Variants in KRT74 observed in about 807,000 individuals in gnomAD.
KRT74 encodes keratin 74.
A neutral mutation model predicts 42.7 loss-of-function variants in KRT74; 43 were observed. The ratio of observed to expected loss-of-function variants is 1.01; its 90% confidence interval spans 0.79 to 1.30. The LOEUF (loss-of-function observed/expected upper bound fraction) is 1.30, where lower values mean the gene tolerates loss of function less well. KRT74 is among the 50% of genes most tolerant of loss of function. KRT74 has a pLI of 0.00. For synonymous variants in KRT74, 302 were observed against 279.0 expected (o/e 1.08, Z -0.82); for missense variants, 736 against 689.1 (o/e 1.07, Z -0.76).
chr12:52,573,563 C>T lies in KRT74; in HGVS notation c.215G>A (p.Gly72Asp), dbSNP rs772560030. 2 of 1,614,112 alleles carry T rather than the reference C, an allele frequency of 1.2e-6. No homozygotes were observed. Residue 72 changes from glycine to aspartate, a missense_variant, in exon 1 of 9, where the codon GGT becomes GAT. By Grantham distance (94) the Gly-to-Asp change is moderately conservative. Transcript: ENST00000305620. ...CCCAGAGCCAGGCCTGAAGCCGTAA[C>T]CTCCAGCCCGAACGCCGCCACCAGC... ...NVAGGGVRAGGYGFRPGSGYG... is the reference protein window; with the variant it reads ...NVAGGGVRAGDYGFRPGSGYG...
intron 6 of KRT74, 49 bp from the exon 7 acceptor site, chr12:52,568,438 G>A (rs750936588): frequency 6.3e-7 from 1 of 1,584,256 alleles, no homozygotes; most frequent in South Asian, 1.1e-5. Context: ...ATTACATTTA[G>A]CTCATACCAG....
chr12:52,571,459 C>G lies in KRT74; in HGVS notation c.748-5G>C. On this transcript the variant is annotated splice_region_variant and splice_polypyrimidine_tract_variant and intron_variant, in intron 3 of 8. Transcript: ENST00000305620. The stretch of plus-strand genomic sequence containing the variant: ...TGCGTAGGCTGCATCTGCATCCTGC[C>G]AAGAGGCCCCAGAGTCATTGGGGGA... 6.2e-6 allele frequency: 10 copies of G among 1,609,924 alleles called. No individual in the cohort carries two copies. Among genetic ancestry groups the G allele is most frequent in the Non-Finnish European group, 8.5e-6 (10 of 1,176,262 alleles).
rs757995275 is a variant in KRT74 at position 52,571,928 on chromosome 12, C to T, written c.747+16G>A. 2 of 1,488,572 alleles carry T rather than the reference C, an allele frequency of 1.3e-6. No individual in the cohort carries two copies. Among genetic ancestry groups the T allele is most frequent in the Non-Finnish European group, 9.4e-7 (1 of 1,066,256 alleles). The allele number at this position is 1,488,572 out of a possible 1,614,324, so 92.2% of individuals were successfully genotyped here. On this transcript the variant is annotated intron_variant, in intron 3 of 8. Coordinates refer to ENST00000305620, the MANE Select transcript of KRT74 (RefSeq NM_175053.4). ...GGTGCGAGAGACCCTAATAAGGAGG[C>T]TCCTCCCTCTCTTACCTTCTTAAGC...
rs373254277 is a variant in KRT74 at position 52,568,215 on chromosome 12, T to C, written c.1309A>G (p.Met437Val). 6.8e-6 allele frequency: 11 copies of C among 1,614,090 alleles called. No homozygotes were observed. The highest frequency in any genetic ancestry group is 4.0e-5 in the African/African-American group (3 of 74,928). Residue 437 changes from methionine (M) to valine (V), a missense_variant, in exon 7 of 9, where the codon ATG (methionine) becomes GTG (valine). Physicochemically the swap from Met to Val is conservative, Grantham distance 21. Coordinates refer to ENST00000305620, the MANE Select transcript of KRT74 (RefSeq NM_175053.4). ...ELMSLKLALD[M>V]EIATYRKLLE... ...AGCTTGCGGTAGGTGGCAATCTCCA[T>C]GTCCAGGGCCAGTTTCAGGCTCATG...
Position 52,568,141 on chromosome 12 carries a change from C to T in KRT74, c.1355+28G>A, listed in dbSNP as rs1251115793. 3 of 1,613,496 alleles carry T rather than the reference C, an allele frequency of 1.9e-6. No individual in the cohort carries two copies. The Admixed American group carries it at 5.0e-5, about 27-fold the overall frequency. The stretch of plus-strand genomic sequence containing the variant: ...GACAGGAGCCACACCCCAGTCCCTT[C>T]TCACACTTTCCCCTCCACCCCACCT... On this transcript the variant is annotated intron_variant, in intron 7 of 8. Transcript: ENST00000305620.
chr12:52,573,466 C>A lies in KRT74; in HGVS notation c.312G>T (p.Leu104Phe), dbSNP rs775697020. 9.9e-6 allele frequency: 16 copies of A among 1,614,208 alleles called. No individual in the cohort carries two copies. The highest frequency in any genetic ancestry group is 1.6e-4 in the Middle Eastern group (1 of 6,062). ...FGSVALGPAC[L>F]SVCPPGGIHQ... ...GGATGCCCCCAGGTGGGCACACAGA[C>A]AAACATGCAGGCCCCAGGGCCACAC... The change falls in exon 1 of 9, where the codon TTG becomes TTT. Residue 104 changes from leucine to phenylalanine, a missense_variant. Physicochemically the swap from Leu to Phe is conservative, Grantham distance 22 (BLOSUM62 0). Transcript: ENST00000305620.
chr12:52,572,397 G>C, intron 2 of KRT74, 56 bp downstream of exon 2: 1 of 1,577,992 alleles, frequency 6.3e-7, no homozygotes, highest in Non-Finnish European at 8.7e-7. Flanking sequence ...CAGAGATCAG[G>C]TGAGCCCAGA....
At chr12:52,567,953 G>T (rs544858661) in intron 7 of KRT74, among the ~76,000 whole-genome samples, 1 of 151,878 alleles carries the variant, frequency 6.6e-6, no homozygotes, top group Non-Finnish European at 1.5e-5. Flanking sequence ...CCCCAGGTCT[G>T]TCTGAGCCCC....
At position 52,570,862 on chromosome 12, in the gene KRT74, C is replaced by T. The variant is rs373252709; in HGVS notation, c.844-29G>A. On this transcript the variant is annotated intron_variant, in intron 4 of 8. Coordinates refer to ENST00000305620, the MANE Select transcript of KRT74 (RefSeq NM_175053.4). The stretch of plus-strand genomic sequence containing the variant: ...CATTGAGAGAGGAAGACAGATTCAG[C>T]AACCCCCTGGCTTCCCTCTTCTGCC... 1.9e-6 allele frequency: 3 copies of T among 1,613,934 alleles called. No homozygotes were observed. In the South Asian group the frequency reaches 3.3e-5, roughly 18 times the overall value.
intron 8 of KRT74, 70 bp downstream of exon 8, chr12:52,567,589 T>A (rs1488632478): frequency 9.1e-7 from 1 of 1,102,472 alleles, no homozygotes; most frequent in East Asian, 2.3e-5. Flanking sequence ...AGACAGTAAA[T>A]GGAGGTGACA....
In KRT74 at chr12:52,572,462, T is replaced by C. The variant is rs1376586543; in HGVS notation, c.677A>G (p.Tyr226Cys). The C allele has an allele frequency of 1.9e-6, 3 of 1,614,014 alleles. No individual in the cohort carries two copies. The highest frequency in any genetic ancestry group is 1.7e-5 in the Admixed American group (1 of 60,010). ...GGTGGAGCCTGCTCACCTCTTCTTA[T>C]AGTCCTCCACCAGATCCCTCATGCT... ...LRSMRDLVED[Y>C]KKRYEVEINR... Residue 226 changes from tyrosine to cysteine, a missense_variant, in exon 2 of 9, where the codon TAT becomes TGT. By Grantham distance (194) the Tyr-to-Cys change is radical. Coordinates refer to ENST00000305620, the MANE Select transcript of KRT74 (RefSeq NM_175053.4).
chr12:52,573,274 G>C, intron 1 of KRT74, 33 bp downstream of exon 1: 1 of 1,588,676 alleles, frequency 6.3e-7, no homozygotes, highest in Non-Finnish European at 8.6e-7. Context: ...CAGGCCTCAG[G>C]GTGCGGCCTC....
In KRT74 at chr12:52,570,158, A is replaced by AG. The variant is rs11448668; in HGVS notation, c.1009-175_1009-174insC. Among the ~76,000 whole-genome samples, 152,284 of 152,296 alleles carry AG rather than the reference A, an allele frequency of 1. 76,136 individuals carry two copies. The highest frequency in any genetic ancestry group is 1 in the Middle Eastern group (294 of 294). On this transcript the variant is annotated intron_variant, in intron 5 of 8. Coordinates refer to ENST00000305620, the MANE Select transcript of KRT74 (RefSeq NM_175053.4). The stretch of plus-strand genomic sequence containing the variant: ...GGGGTTTTCTCCCTGACAGCCCCAA[A>AG]CATAGTTCCATTACTCAGTTTACCC...
chr12:52,573,185 G>C, intron 1 of KRT74, 122 bp downstream of exon 1: 1 of 936,970 alleles, frequency 1.1e-6, no homozygotes, highest in Non-Finnish European at 1.7e-6. Flanking sequence ...CCCTAATGGT[G>C]AGGAAGCCCT....
chr12:52,568,060 C>T, intron 7 of KRT74, 109 bp downstream of exon 7: 2 of 1,291,536 alleles, frequency 1.5e-6, no homozygotes, highest in Middle Eastern at 1.8e-4. Context: ...GAAATCACCA[C>T]ATCTCTTGCT....
intron 3 of KRT74, 139 bp downstream of exon 3, chr12:52,571,805 T>C (rs1240168416): frequency 1.3e-6 from 1 of 771,174 alleles, no homozygotes; most frequent in Non-Finnish European, 2.4e-6. Flanking sequence ...AGGCCAGGAC[T>C]ATGACTCCAC....
rs1057081233 is a variant in KRT74, at chr12:52,573,754, C to T, written c.24G>A (p.Lys8=). The change falls in exon 1 of 9, where the codon AAG becomes AAA. Residue 8 remains lysine (K), a synonymous_variant. Transcript: ENST00000305620. MSRQLNI[K]SSGDKGNFSV... is the part of the protein sequence containing the mutation. ...TGAAGTTGCCCTTGTCACCACTGGA[C>T]TTGATGTTCAGTTGCCGACTCATGG... 9.3e-6 allele frequency: 15 copies of T among 1,613,778 alleles called. No individual in the cohort carries two copies. Among genetic ancestry groups the T allele is most frequent in the African/African-American group, 1.3e-5 (1 of 74,934 alleles).
At chr12:52,568,490 G>A (rs1939420314) in intron 6 of KRT74, 101 bp from the exon 7 acceptor site, 14 of 1,253,164 alleles carry the variant, frequency 1.1e-5, no homozygotes, top group South Asian at 1.3e-5. Context: ...GGGGCCCTAG[G>A]TGACAAGGAG....
intron 8 of KRT74, among the ~76,000 whole-genome samples, 173 bp from the exon 9 acceptor site, chr12:52,567,341 C>T (rs566301756): frequency 6.6e-5 from 10 of 152,280 alleles, no homozygotes; most frequent in African/African-American, 2.2e-4. Context: ...TATTACGGGC[C>T]GGACTTCGTG....
Sources: allele counts gnomAD v4.1 joint callset (sites outside exome capture counted in the v4.1 genomes callset), GRCh38; gene constraint gnomAD v4.1.1; transcripts MANE v1.5; gene names NCBI Gene and HGNC (gene_info 2026-07-23, HGNC 2026-07-21).